The following RINL variants were observed in gnomAD, a reference collection of about 807,000 sequenced individuals.
RINL encodes ras and Rab interactor-like protein.
RINL carries 39 observed loss-of-function variants against 58.1 expected under a neutral mutation model. That is an observed-to-expected ratio of 0.67 (90% CI 0.52 to 0.88). RINL has a LOEUF of 0.88. RINL is among the 40% of genes least tolerant of loss of function. The pLI is 0.00. For synonymous variants in RINL, 286 were observed against 323.1 expected (o/e 0.89, Z 1.23); for missense variants, 711 against 749.2 (o/e 0.95, Z 0.60).
chr19:38,876,700 CCT>C lies in RINL; in HGVS notation c.41_42del (p.Glu14GlyfsTer64). 1 of 1,536,092 alleles carries C rather than the reference CCT, an allele frequency of 6.5e-7. No individual in the cohort carries two copies. The highest frequency in any genetic ancestry group is 8.7e-7 in the Non-Finnish European group (1 of 1,146,878). On this transcript the variant is annotated frameshift_variant, in exon 2 of 12. Transcript: ENST00000591812. LOFTEE classifies it high-confidence loss of function. ...CAGCCCTAGTAGCCTCACCTCACCC[CCT>C]CTGTGGGGACTTCAGGTGCCTTGTC... ...PEDKAPEVPT[E>X]GVRLVPPQVN...
Position 38,868,497 on chromosome 19 carries a change from G to A in RINL, c.*607C>T, listed in dbSNP as rs1037445773. 1 of 151,926 alleles carries A rather than the reference G, an allele frequency of 6.6e-6. No homozygotes were observed. Among genetic ancestry groups the A allele is most frequent in the African/African-American group, 2.4e-5 (1 of 41,358 alleles). The allele number at this position is 151,926 out of a possible 1,614,324, so 9.4% of individuals were successfully genotyped here. Reference sequence around the variant, plus strand: ...AAAATTTTAAAAATTAGACAGGCACGGTGGTAGGTGCCTGTAGTCTCAGCT... The same window carrying A: ...AAAATTTTAAAAATTAGACAGGCACAGTGGTAGGTGCCTGTAGTCTCAGCT... On this transcript the variant is annotated 3_prime_UTR_variant, in exon 12 of 12. Transcript: ENST00000591812.
At position 38,870,502 on chromosome 19, in the gene RINL, C is replaced by T; in HGVS notation, c.1024+68G>A. On this transcript the variant is annotated intron_variant, in intron 8 of 11. Coordinates refer to ENST00000591812, the MANE Select transcript of RINL (RefSeq NM_001195833.2). The surrounding 1 kb of genome is among the most constrained non-coding windows in gnomAD (Gnocchi z 5.8). The stretch of plus-strand genomic sequence containing the variant: ...GTGTGGGTGCAGAAGGAAACGTGTG[C>T]GCACCGATGGAGAGGACGAAGTTGC... 5 of 1,464,192 alleles carry T rather than the reference C, an allele frequency of 3.4e-6. No individual in the cohort carries two copies. The highest frequency in any genetic ancestry group is 1.8e-4 in the Middle Eastern group (1 of 5,438). The allele number at this position is 1,464,192 out of a possible 1,614,324, so 90.7% of individuals were successfully genotyped here.
chr19:38,871,276 C>T, intron 6 of RINL, 49 bp from the exon 7 acceptor site: 1 of 1,600,894 alleles, frequency 6.2e-7, no homozygotes, highest in East Asian at 2.2e-5. Context: ...AAGGGACCAA[C>T]CCTGGTCCCC....
At chr19:38,877,937 G>A (rs1972977776) in intron 1 of RINL, among the ~76,000 whole-genome samples, 1 of 152,252 alleles carries the variant, frequency 6.6e-6, no homozygotes, top group Middle Eastern at 3.2e-3. Flanking sequence ...TGGGGCAGGT[G>A]TAGCATATGG....
At chr19:38,877,879 G>T (rs921118079) in intron 1 of RINL, among the ~76,000 whole-genome samples, 3 of 152,174 alleles carry the variant, frequency 2.0e-5, no homozygotes, top group African/African-American at 7.2e-5. Context: ...CTGGAGAGAG[G>T]GTGATGAACA....
intron 1 of RINL, among the ~76,000 whole-genome samples, chr19:38,877,802 CCCTTCCTT>C (rs550510337): frequency 1.3e-5 from 2 of 151,866 alleles, no homozygotes; most frequent in Non-Finnish European, 2.9e-5. Context: ...CTCCCTCCCT[CCCTTCCTT>C]CCTTCCTTCC....
chr19:38,873,837 C>A, intron 4 of RINL, 49 bp downstream of exon 4: 1 of 1,185,244 alleles, frequency 8.4e-7, no homozygotes, highest in South Asian at 1.3e-5. Context: ...GCTGATAGTT[C>A]TTAGTGATCA....
chr19:38,874,029 G>A (rs575919495), intron 3 of RINL, 41 bp from the exon 4 acceptor site: 22 of 1,236,814 alleles, frequency 1.8e-5, no homozygotes, highest in East Asian at 1.5e-4. Flanking sequence ...AAAGGTGTGC[G>A]CAGATGTCTG....
At position 38,869,537 on chromosome 19, in the gene RINL, T is replaced by A. The variant is rs1433573187; in HGVS notation, c.1474+36A>T. On this transcript the variant is annotated intron_variant, in intron 10 of 11. Transcript: ENST00000591812. The surrounding 1 kb of genome is among the most constrained non-coding windows in gnomAD (Gnocchi z 5.7). Reference sequence around the variant, plus strand: ...TGTTTGGGATCCCGGAGGTACTGGATCGCTGGGCTCCAGCATTCTGGAGTT... The same window carrying A: ...TGTTTGGGATCCCGGAGGTACTGGAACGCTGGGCTCCAGCATTCTGGAGTT... The A allele has an allele frequency of 1.2e-6, 2 of 1,610,156 alleles. No homozygotes were observed. The highest frequency in any genetic ancestry group is 1.7e-6 in the Non-Finnish European group (2 of 1,177,778).
chr19:38,870,823 G>A lies in RINL; in HGVS notation c.771C>T (p.Asp257=), dbSNP rs1423103996. The A allele has an allele frequency of 2.6e-5, 42 of 1,610,228 alleles. No individual in the cohort carries two copies. Among genetic ancestry groups the A allele is most frequent in the Non-Finnish European group, 3.5e-5 (41 of 1,179,996 alleles). Residue 257 remains aspartate (D), a synonymous_variant, in exon 8 of 12, where the codon GAC becomes GAT. Coordinates refer to ENST00000591812, the MANE Select transcript of RINL (RefSeq NM_001195833.2). The surrounding 1 kb of genome is among the most constrained non-coding windows in gnomAD (Gnocchi z 5.8). ...EDDPEEEGPE[D]VLTIHVQSLV... is the part of the protein sequence containing the mutation. ...GAGACTGGACGTGAATGGTGAGCAC[G>A]TCCTCAGGGCCTTCCTCTTCAGGGT...
chr19:38,870,748 C>T lies in RINL; in HGVS notation c.846G>A (p.Arg282=), dbSNP rs754948753. 1.2e-6 allele frequency: 2 copies of T among 1,613,390 alleles called. No individual in the cohort carries two copies. The highest frequency in any genetic ancestry group is 2.2e-5 in the South Asian group (2 of 91,084). Residue 282 remains arginine (R), a synonymous_variant, in exon 8 of 12, where the codon CGG becomes CGA. Coordinates refer to ENST00000591812, the MANE Select transcript of RINL (RefSeq NM_001195833.2). The surrounding 1 kb of genome is among the most constrained non-coding windows in gnomAD (Gnocchi z 5.8). The part of the protein sequence containing the change: ...SYVARQYRSL[R]VRIASDSGGP... ...CCCCAGAATCTGAGGCGATGCGCAC[C>T]CGAAGGCTTCGGTACTGCCTGGCCA...
At chr19:38,877,564 G>T (rs1972962942) in intron 1 of RINL, among the ~76,000 whole-genome samples, 1 of 152,166 alleles carries the variant, frequency 6.6e-6, no homozygotes, top group Non-Finnish European at 1.5e-5. Context: ...AAAGCTGAAA[G>T]AATTGTACAG....
At chr19:38,872,666 G>A (rs549108227) in intron 4 of RINL, among the ~76,000 whole-genome samples, 2 of 151,988 alleles carry the variant, frequency 1.3e-5, no homozygotes, top group African/African-American at 4.8e-5. Flanking sequence ...CTTGAGGTCA[G>A]GAGTTCAAGC....
chr19:38,872,876 G>A (rs1380567812), intron 4 of RINL, among the ~76,000 whole-genome samples: 2 of 115,200 alleles, frequency 1.7e-5, no homozygotes, highest in East Asian at 3.8e-4. Context: ...CTTAAAGTAC[G>A]ATAAAAAATA....
chr19:38,871,444 C>G, intron 6 of RINL: 1 of 682,400 alleles, frequency 1.5e-6, no homozygotes, highest in South Asian at 1.9e-5. Context: ...TCCTCCAATC[C>G]TCTCCTCTGT....
Position 38,870,407 on chromosome 19 carries a change from AAG to A in RINL, c.1025-149_1025-148del, listed in dbSNP as rs576294039. 1,412 of 1,032,054 alleles carry A rather than the reference AAG, an allele frequency of 1.4e-3. 2 individuals are homozygous for A. The highest frequency in any genetic ancestry group is 1.7e-3 in the Non-Finnish European group (1,268 of 736,226). 63.9% of individuals were successfully genotyped at this position (1,032,054 alleles called of 1,614,324 possible). On this transcript the variant is annotated intron_variant, in intron 8 of 11. Transcript: ENST00000591812. The surrounding 1 kb of genome is among the most constrained non-coding windows in gnomAD (Gnocchi z 5.8). The stretch of plus-strand genomic sequence containing the variant: ...TAGACATGGTTGTGAACATGTGTGG[AAG>A]AGTTAGCCTGGGTGTGAACTTGCGC...
At chr19:38,875,146 AT>A (rs1972892998) in intron 3 of RINL, among the ~76,000 whole-genome samples, 1 of 151,476 alleles carries the variant, frequency 6.6e-6, no homozygotes. Context: ...AAAAATAATA[AT>A]AAAAATAATA....
At chr19:38,877,161 C>G (rs57063027) in intron 1 of RINL, among the ~76,000 whole-genome samples, 3 of 152,222 alleles carry the variant, frequency 2.0e-5, no homozygotes, top group Admixed American at 2.0e-4. Context: ...GTGATCCCCC[C>G]GCCTCGGCCT....
At chr19:38,871,417 G>T in intron 6 of RINL, 190 bp from the exon 7 acceptor site, 1 of 700,272 alleles carries the variant, frequency 1.4e-6, no homozygotes, top group Non-Finnish European at 2.4e-6. Context: ...AGGCGTCCGG[G>T]ACCCCCAGTT....
Sources: allele counts gnomAD v4.1 joint callset (sites outside exome capture counted in the v4.1 genomes callset), GRCh38; gene constraint gnomAD v4.1.1; non-coding constraint Gnocchi (gnomAD v3.1); transcripts MANE v1.5; gene names NCBI Gene and HGNC (gene_info 2026-07-23, HGNC 2026-07-21).